Variants in RHPN2 observed in about 807,000 individuals in gnomAD.
The protein encoded by RHPN2 is rhophilin-2.
A neutral mutation model predicts 79.0 loss-of-function variants in RHPN2; 40 were observed. The observed-to-expected ratio is 0.51, with a 90% confidence interval of 0.39 to 0.66. The LOEUF is 0.66. RHPN2 is among the 30% of genes least tolerant of loss of function. The pLI, the probability that RHPN2 is intolerant of heterozygous loss-of-function variation, is 0.00. For missense variants in RHPN2, 686 were observed against 883.5 expected (o/e 0.78, Z 2.83); for synonymous variants, 285 against 363.5 (o/e 0.78, Z 2.46).
chr19:33,013,867 AT>A lies in RHPN2; in HGVS notation c.391-1144del, dbSNP rs1347352747. ...AAGGCATTTTATTTTATTTTACTTT[AT>A]TTTATTTTATTTTATTTTATCTTTG... On this transcript the variant is annotated intron_variant, in intron 4 of 14. Coordinates refer to ENST00000254260, the MANE Select transcript of RHPN2 (RefSeq NM_033103.5). Among the ~76,000 whole-genome samples the A allele has an allele frequency of 1.2e-4, 7 of 58,064 alleles. No individual in the cohort carries two copies. In the East Asian group the frequency reaches 0.01, roughly 84 times the overall value. 38.1% of individuals were successfully genotyped at this position (58,064 alleles called of 152,430 possible). A position where few individuals can be genotyped will look rare whatever the true frequency, so the allele number is the denominator to read the frequency against.
At chr19:33,035,968 T>A (rs1232947227) in intron 2 of RHPN2, among the ~76,000 whole-genome samples, 1 of 151,692 alleles carries the variant, frequency 6.6e-6, no homozygotes, top group South Asian at 2.1e-4. Flanking sequence ...TACAAAAAAA[T>A]TAGCTGTGTG....
At chr19:33,051,706 A>G in intron 1 of RHPN2, 2 of 198,476 alleles carry the variant, frequency 1.0e-5, no homozygotes, top group South Asian at 1.4e-4. Context: ...GTTTCTTACA[A>G]AGTGAGAAAG....
intron 12 of RHPN2, 38 bp from the exon 13 acceptor site, chr19:32,992,007 G>C: frequency 6.2e-7 from 1 of 1,613,274 alleles, no homozygotes; most frequent in Non-Finnish European, 8.5e-7. Context: ...GGATTTGAAG[G>C]CTGGATCAGA....
At chr19:32,984,510 T>G (rs1338393762) in intron 14 of RHPN2, among the ~76,000 whole-genome samples, 1 of 151,862 alleles carries the variant, frequency 6.6e-6, no homozygotes, top group Non-Finnish European at 1.5e-5. Flanking sequence ...AATACAAAAA[T>G]TAGCCAGACA....
chr19:33,056,345 C>T (rs1348966471), intron 1 of RHPN2, among the ~76,000 whole-genome samples: 1 of 152,094 alleles, frequency 6.6e-6, no homozygotes, highest in African/African-American at 2.4e-5. Context: ...CTCCCAACCT[C>T]AGGTGATCCA....
rs536758589 is a variant in RHPN2, at chr19:33,031,876, C to T, written c.186-5244G>A. 5.3e-5 allele frequency among the ~76,000 whole-genome samples: 8 copies of T among 151,782 alleles called. No individual in the cohort carries two copies. In the East Asian group the frequency reaches 9.7e-4, roughly 18 times the overall value. ...CTGGGACTACAGGCGCCCGCCACCA[C>T]GCCCGGCTAATTTATTGGATTTTTA... On this transcript the variant is annotated intron_variant, in intron 2 of 14. Coordinates refer to ENST00000254260, the MANE Select transcript of RHPN2 (RefSeq NM_033103.5).
intron 7 of RHPN2, among the ~76,000 whole-genome samples, chr19:33,006,011 C>T (rs1971788181): frequency 6.6e-6 from 1 of 152,020 alleles, no homozygotes. Flanking sequence ...TCCCAAGTAG[C>T]TGAGACTACA....
At chr19:32,984,866 G>A (rs1348921559) in intron 14 of RHPN2, among the ~76,000 whole-genome samples, 7 of 152,244 alleles carry the variant, frequency 4.6e-5, no homozygotes, top group Non-Finnish European at 1.0e-4. Flanking sequence ...CTAACACTTT[G>A]GGAGGCGGAG....
intron 1 of RHPN2, among the ~76,000 whole-genome samples, chr19:33,048,812 C>A (rs1281609318): frequency 6.6e-6 from 1 of 151,304 alleles, no homozygotes; most frequent in Non-Finnish European, 1.5e-5. Flanking sequence ...CTTTCCTTTC[C>A]ACTTCCAAAA....
intron 2 of RHPN2, among the ~76,000 whole-genome samples, chr19:33,034,370 CCGAGGTGGGCAGATCA>C (rs1318331176): frequency 6.6e-6 from 1 of 151,650 alleles, no homozygotes; most frequent in Admixed American, 6.6e-5. Context: ...CTTTGGGAGG[CCGAGGTGGGCAGATCA>C]CGAGGTCAGG....
In RHPN2 at chr19:33,001,673, C is replaced by T. The variant is rs188714809; in HGVS notation, c.1105+574G>A. On this transcript the variant is annotated intron_variant, in intron 9 of 14. Coordinates refer to ENST00000254260, the MANE Select transcript of RHPN2 (RefSeq NM_033103.5). ...CCAGGCTGGAGTGCAGTGGCACAATCTCGGCTCACTGCAACCTCCACCTCC... is the reference window on the plus strand; with the variant it reads ...CCAGGCTGGAGTGCAGTGGCACAATTTCGGCTCACTGCAACCTCCACCTCC... Among the ~76,000 whole-genome samples, 183 of 152,242 alleles carry T rather than the reference C, an allele frequency of 1.2e-3. 2 individuals carry two copies. The highest frequency in any genetic ancestry group is 8.7e-3 in the Admixed American group (133 of 15,288).
chr19:32,979,727 T>C lies in RHPN2; in HGVS notation c.*269A>G. 7.0e-6 allele frequency: 3 copies of C among 429,030 alleles called. No individual in the cohort carries two copies. The highest frequency in any genetic ancestry group is 1.3e-5 in the Non-Finnish European group (3 of 239,206). The allele number at this position is 429,030 out of a possible 1,614,324, so 26.6% of individuals were successfully genotyped here. On this transcript the variant is annotated 3_prime_UTR_variant, in exon 15 of 15. Coordinates refer to ENST00000254260, the MANE Select transcript of RHPN2 (RefSeq NM_033103.5). Reference sequence around the variant, plus strand: ...CACCATTAAAAATAGCCATATTTCATATCTTCAACACTATTCTATTTACAA... The same window carrying C: ...CACCATTAAAAATAGCCATATTTCACATCTTCAACACTATTCTATTTACAA...
rs1016721899 is a variant in RHPN2 at position 33,055,313 on chromosome 19, C to T, written c.69+9471G>A. On this transcript the variant is annotated intron_variant, in intron 1 of 14. Transcript: ENST00000254260. ...AGGTCAAGGCTACAGTGAGCTACAACGGTGCCACTGCACTCCAGCCTGGGT... is the reference window on the plus strand; with the variant it reads ...AGGTCAAGGCTACAGTGAGCTACAATGGTGCCACTGCACTCCAGCCTGGGT... 2.0e-5 allele frequency among the ~76,000 whole-genome samples: 3 copies of T among 151,774 alleles called. No homozygotes were observed. In the East Asian group the frequency reaches 5.8e-4, roughly 29 times the overall value.
intron 14 of RHPN2, among the ~76,000 whole-genome samples, chr19:32,981,205 C>T (rs1191041006): frequency 6.6e-6 from 1 of 151,964 alleles, no homozygotes; most frequent in Non-Finnish European, 1.5e-5. Flanking sequence ...TAAGGTTCTT[C>T]TTCTATTTGA....
chr19:32,979,774 T>TA lies in RHPN2; in HGVS notation c.*221dup, dbSNP rs1389714624. 3.5e-6 allele frequency: 2 copies of TA among 568,914 alleles called. No homozygotes were observed. Among genetic ancestry groups the TA allele is most frequent in the Admixed American group, 3.2e-5 (1 of 31,576 alleles). 35.2% of individuals were successfully genotyped at this position (568,914 alleles called of 1,614,324 possible). Reference sequence around the variant, plus strand: ...ACAATACTTTATATAATAAATAACTTACAGCAGTATAGTAACACACCTCAA... The same window carrying TA: ...ACAATACTTTATATAATAAATAACTTAACAGCAGTATAGTAACACACCTCAA... On this transcript the variant is annotated 3_prime_UTR_variant, in exon 15 of 15. Transcript: ENST00000254260.
At chr19:32,995,969 G>A (rs549208908) in intron 11 of RHPN2, 57 bp downstream of exon 11, 99 of 1,572,540 alleles carry the variant, frequency 6.3e-5, no homozygotes, top group South Asian at 2.4e-4. Flanking sequence ...CAGGCCAGGC[G>A]TACTCTTTCC....
intron 2 of RHPN2, among the ~76,000 whole-genome samples, chr19:33,036,875 C>G (rs1187797718): frequency 6.9e-6 from 1 of 144,524 alleles, no homozygotes. Context: ...CCTGAGCCCC[C>G]CCGCCACCCT....
chr19:32,982,959 G>A (rs1280729561), intron 14 of RHPN2, among the ~76,000 whole-genome samples: 2 of 151,208 alleles, frequency 1.3e-5, no homozygotes, highest in South Asian at 2.1e-4. Flanking sequence ...CATCCCTGCC[G>A]TATACTTCAT....
At chr19:32,983,929 A>G (rs1014338007) in intron 14 of RHPN2, among the ~76,000 whole-genome samples, 3 of 152,024 alleles carry the variant, frequency 2.0e-5, no homozygotes, top group Non-Finnish European at 4.4e-5. Context: ...GCCCAGCTCC[A>G]TTTACTGTTT....
Sources: gnomAD v4.1 joint callset for allele counts (sites outside exome capture counted in the v4.1 genomes callset) on GRCh38, gnomAD v4.1.1 for gene constraint, MANE v1.5 for transcripts, NCBI Gene and HGNC (gene_info 2026-07-23, HGNC 2026-07-21) for gene names.